Variants in SLCO6A1 observed in about 807,000 individuals in gnomAD.
SLCO6A1 encodes solute carrier organic anion transporter family member 6A1.
A neutral mutation model predicts 72.7 loss-of-function variants in SLCO6A1; 65 were observed. That is an observed-to-expected ratio of 0.89 (90% CI 0.73 to 1.10). SLCO6A1 has a LOEUF of 1.10. SLCO6A1 is among the 50% of genes least tolerant of loss of function. SLCO6A1 has a pLI of 0.00. For synonymous variants in SLCO6A1, 314 were observed against 298.2 expected (o/e 1.05, Z -0.55); for missense variants, 874 against 872.6 (o/e 1.00, Z -0.02).
chr5:102,495,751 G>A (rs1752881169), intron 1 of SLCO6A1, among the ~76,000 whole-genome samples: 2 of 151,928 alleles, frequency 1.3e-5, no homozygotes, highest in African/African-American at 4.8e-5. Context: ...AAATAAATCA[G>A]AAGGAAGGAT....
At chr5:102,403,786 T>A (rs978541647) in intron 9 of SLCO6A1, among the ~76,000 whole-genome samples, 1 of 152,156 alleles carries the variant, frequency 6.6e-6, no homozygotes, top group African/African-American at 2.4e-5. Context: ...TTATTAAGCA[T>A]CTGCAAAGAA....
chr5:102,438,790 T>C (rs1370378804), intron 6 of SLCO6A1, 29 bp from the exon 7 acceptor site: 1 of 1,433,328 alleles, frequency 7.0e-7, no homozygotes, highest in Non-Finnish European at 9.2e-7. Flanking sequence ...ATATATCTAT[T>C]ATTTTATTTT....
intron 8 of SLCO6A1, 112 bp downstream of exon 8, chr5:102,419,714 T>C: frequency 1.2e-6 from 1 of 851,656 alleles, no homozygotes; most frequent in Non-Finnish European, 1.8e-6. Context: ...TGTTTGATAA[T>C]TCCAATAATT....
intron 6 of SLCO6A1, among the ~76,000 whole-genome samples, chr5:102,455,807 T>C (rs962025610): frequency 5.9e-5 from 9 of 152,156 alleles, no homozygotes; most frequent in Admixed American, 2.6e-4. Context: ...ATCTGTAAAG[T>C]GAACAAGTTA....
At chr5:102,372,332 AC>A (rs1750668168) in intron 13 of SLCO6A1, among the ~76,000 whole-genome samples, 1 of 152,068 alleles carries the variant, frequency 6.6e-6, no homozygotes, top group South Asian at 2.1e-4. Context: ...AGGGTCATTG[AC>A]TAATGTTAAT....
chr5:102,432,181 T>G (rs913639747), intron 7 of SLCO6A1, among the ~76,000 whole-genome samples: 7 of 152,198 alleles, frequency 4.6e-5, no homozygotes, highest in Non-Finnish European at 5.9e-5. Context: ...CGGTCTTGCT[T>G]TTCTATTCAG....
At chr5:102,456,290 C>T (rs540620176) in intron 6 of SLCO6A1, among the ~76,000 whole-genome samples, 1 of 152,186 alleles carries the variant, frequency 6.6e-6, no homozygotes, top group East Asian at 1.9e-4. Context: ...AAAGGGTATT[C>T]AATCAGGAAA....
chr5:102,382,646 CTCTTT>C (rs1268206102), intron 12 of SLCO6A1, among the ~76,000 whole-genome samples: 3 of 151,430 alleles, frequency 2.0e-5, no homozygotes, highest in African/African-American at 4.8e-5. Context: ...TTAGTGTCTC[CTCTTT>C]TATTTCTTTC....
intron 8 of SLCO6A1, among the ~76,000 whole-genome samples, chr5:102,418,572 T>C (rs927943396): frequency 6.6e-6 from 1 of 152,338 alleles, no homozygotes; most frequent in Non-Finnish European, 1.5e-5. Context: ...TGAAGTTCAC[T>C]TATCATTTAT....
At chr5:102,461,261 T>C (rs1414210274) in intron 4 of SLCO6A1, among the ~76,000 whole-genome samples, 1 of 151,890 alleles carries the variant, frequency 6.6e-6, no homozygotes, top group Non-Finnish European at 1.5e-5. Flanking sequence ...CTTAATGGAA[T>C]ATGTTCAATA....
chr5:102,396,182 A>G (rs1747070170), intron 10 of SLCO6A1, among the ~76,000 whole-genome samples: 2 of 152,066 alleles, frequency 1.3e-5, no homozygotes, highest in African/African-American at 2.4e-5. Flanking sequence ...TAGGTCTAAC[A>G]TTTAAGTGTT....
chr5:102,466,674 A>G (rs567893317), intron 4 of SLCO6A1, among the ~76,000 whole-genome samples: 21 of 152,022 alleles, frequency 1.4e-4, no homozygotes, highest in African/African-American at 4.8e-4. Flanking sequence ...CCACAGCCTC[A>G]CCAGCTTCTG....
At chr5:102,422,113 C>T (rs1319899586) in intron 7 of SLCO6A1, among the ~76,000 whole-genome samples, 2 of 152,122 alleles carry the variant, frequency 1.3e-5, no homozygotes, top group African/African-American at 2.4e-5. Flanking sequence ...AAACCCCATC[C>T]AAAGGTCATC....
chr5:102,388,639 T>A (rs1292518728), intron 12 of SLCO6A1, 49 bp downstream of exon 12: 3 of 1,315,614 alleles, frequency 2.3e-6, no homozygotes, highest in Non-Finnish European at 3.1e-6. Context: ...CAACCATAAC[T>A]TTTAGAAATA....
chr5:102,448,444 G>A (rs977615407), intron 6 of SLCO6A1, among the ~76,000 whole-genome samples: 7 of 149,660 alleles, frequency 4.7e-5, no homozygotes, highest in Non-Finnish European at 1.1e-4. Flanking sequence ...CTGCCTCAGT[G>A]ATCTGTCCAA....
chr5:102,424,417 C>T (rs1004436331), intron 7 of SLCO6A1, among the ~76,000 whole-genome samples: 1 of 151,912 alleles, frequency 6.6e-6, no homozygotes, highest in African/African-American at 2.4e-5. Context: ...CAAACAGACA[C>T]AATAAAAAAT....
At chr5:102,452,300 C>T (rs796674433) in intron 6 of SLCO6A1, among the ~76,000 whole-genome samples, 5 of 152,258 alleles carry the variant, frequency 3.3e-5, no homozygotes, top group African/African-American at 9.6e-5. Flanking sequence ...CAAATTCCAT[C>T]CAGGATTTAT....
At chr5:102,383,095 A>ATATATATATACATATAT (rs1554064835) in intron 12 of SLCO6A1, among the ~76,000 whole-genome samples, 1 of 128,572 alleles carries the variant, frequency 7.8e-6, no homozygotes, top group Non-Finnish European at 1.7e-5. Flanking sequence ...TATGTGTGTG[A>ATATATATATACATATAT]ATATATATAT....
At chr5:102,385,696 G>A (rs1746376439) in intron 12 of SLCO6A1, among the ~76,000 whole-genome samples, 1 of 151,532 alleles carries the variant, frequency 6.6e-6, no homozygotes, top group African/African-American at 2.4e-5. Flanking sequence ...TTTTGTTTGT[G>A]TATTATTTTT....
Sources: allele counts gnomAD v4.1 joint callset (sites outside exome capture counted in the v4.1 genomes callset), GRCh38; gene constraint gnomAD v4.1.1; transcripts MANE v1.5; gene names NCBI Gene and HGNC (gene_info 2026-07-23, HGNC 2026-07-21).